Variants in PSMB10 observed in about 807,000 individuals in gnomAD.
PSMB10 encodes the protein proteasome subunit beta type-10.
A neutral mutation model predicts 29.8 loss-of-function variants in PSMB10; 29 were observed. The ratio of observed to expected loss-of-function variants is 0.97; its 90% CI spans 0.73 to 1.33. PSMB10 has a LOEUF of 1.33. PSMB10 is among the 40% of genes most tolerant of loss of function. The pLI, the probability that PSMB10 is intolerant of heterozygous loss-of-function variation, is 0.00. For missense variants in PSMB10, 327 were observed against 369.2 expected, an observed-to-expected ratio of 0.89 and a Z score of 0.94; for synonymous variants, 157 against 164.7, an observed-to-expected ratio of 0.95 and a Z score of 0.36.
intron 1 of PSMB10, 78 bp downstream of exon 1, chr16:67,936,616 C>A: frequency 6.8e-7 from 1 of 1,464,942 alleles, no homozygotes. Context: ...ACACCCTCCC[C>A]CACCCCCAGC....
At position 67,935,979 on chromosome 16, in the gene PSMB10, G is replaced by T. The variant is rs771888401; in HGVS notation, c.367C>A (p.Arg123Ser). The stretch of plus-strand genomic sequence containing the variant: ...CCCCCGCACCTGAAGAGCGTCTGGC[G>T]CAGGATGCGAGTGACCGTGGCCACG... ...PRVATVTRIL[R>S]QTLFRYQGHV... Residue 123 changes from arginine to serine, a missense_variant, in exon 4 of 8, where the codon CGC (arginine) becomes AGC (serine). Physicochemically the swap from Arg to Ser is moderately radical, Grantham distance 110. Coordinates refer to ENST00000358514, the MANE Select transcript of PSMB10 (RefSeq NM_002801.4). The T allele has an allele frequency of 3.7e-6, 6 of 1,611,072 alleles. No individual in the cohort carries two copies. The highest frequency in any genetic ancestry group is 4.2e-6 in the Non-Finnish European group (5 of 1,178,364).
chr16:67,935,917 C>A, intron 4 of PSMB10, 46 bp downstream of exon 4: 1 of 1,586,814 alleles, frequency 6.3e-7, no homozygotes, highest in Non-Finnish European at 8.6e-7. Flanking sequence ...ATGGCCCCAA[C>A]CCCGTAACTA....
Position 67,934,777 on chromosome 16 carries a change from C to T in PSMB10, c.710+20G>A. 1 of 1,612,114 alleles carries T rather than the reference C, an allele frequency of 6.2e-7. No individual in the cohort carries two copies. Among genetic ancestry groups the T allele is most frequent in the Non-Finnish European group, 8.5e-7 (1 of 1,178,402 alleles). ...CTATAGCCCCACACATCCCTGTGGTCCCCGATCTCCAGCTCTCACCTCTTC... is the reference window on the plus strand; with the variant it reads ...CTATAGCCCCACACATCCCTGTGGTTCCCGATCTCCAGCTCTCACCTCTTC... On this transcript the variant is annotated intron_variant, in intron 7 of 7. Coordinates refer to ENST00000358514, the MANE Select transcript of PSMB10 (RefSeq NM_002801.4). The surrounding 1 kb of genome is among the most constrained non-coding windows in gnomAD (Gnocchi z 4.3).
chr16:67,935,816 G>C, intron 4 of PSMB10, 119 bp from the exon 5 acceptor site: 1 of 1,467,816 alleles, frequency 6.8e-7, no homozygotes, highest in African/African-American at 1.4e-5. Flanking sequence ...GACTGACATC[G>C]CCTTTTCCTG....
rs1179448108 is a variant in PSMB10, at chr16:67,936,249, A to G, written c.208T>C (p.Cys70Arg). The change falls in exon 3 of 8, where the codon TGC becomes CGC. Residue 70 changes from cysteine (C) to arginine (R), a missense_variant. Transcript: ENST00000358514. ...TNDSVVADKSCEKIHFIAPKI... is the reference protein window; with the variant it reads ...TNDSVVADKSREKIHFIAPKI... ...GGGGCGATGAAGTGGATCTTCTCGC[A>G]GCTCTTGTCCGCCACGACCGAATCG... 6.2e-7 allele frequency: 1 copy of G among 1,613,856 alleles called. No homozygotes were observed. Among genetic ancestry groups the G allele is most frequent in the Non-Finnish European group, 8.5e-7 (1 of 1,179,972 alleles).
chr16:67,936,835 G>T lies in PSMB10; in HGVS notation c.-86C>A. 1 of 1,164,284 alleles carries T rather than the reference G, an allele frequency of 8.6e-7. No individual in the cohort carries two copies. Among genetic ancestry groups the T allele is most frequent in the Non-Finnish European group, 1.2e-6 (1 of 811,124 alleles). The allele number at this position is 1,164,284 out of a possible 1,614,324, so 72.1% of individuals were successfully genotyped here. A position where few individuals can be genotyped will look rare whatever the true frequency, so the allele number is the denominator to read the frequency against. On this transcript the variant is annotated 5_prime_UTR_variant, in exon 1 of 8. Coordinates refer to ENST00000358514, the MANE Select transcript of PSMB10 (RefSeq NM_002801.4). The stretch of plus-strand genomic sequence containing the variant: ...CCAGTGAGCAGCTAAAAAGTCCTCT[G>T]CTAGGCTTCACGTCTGTACTTCCTG...
chr16:67,936,407 C>G lies in PSMB10; in HGVS notation c.135G>C (p.Leu45=). 1 of 1,613,330 alleles carries G rather than the reference C, an allele frequency of 6.2e-7. No homozygotes were observed. Among genetic ancestry groups the G allele is most frequent in the Non-Finnish European group, 8.5e-7 (1 of 1,179,738 alleles). The part of the protein sequence containing the change: ...ARKTGTTIAG[L]VFQDGVILGA... ...CCTCCCCGCTGCTCACTTGGAACAC[C>G]AGGCCCGCGATGGTGGTCCCGGTCT... Residue 45 remains leucine, a synonymous_variant, in exon 2 of 8, where the codon CTG becomes CTC. Coordinates refer to ENST00000358514, the MANE Select transcript of PSMB10 (RefSeq NM_002801.4).
chr16:67,935,712 G>A lies in PSMB10; in HGVS notation c.384-15C>T, dbSNP rs996370754. 14 of 1,611,992 alleles carry A rather than the reference G, an allele frequency of 8.7e-6. No homozygotes were observed. The highest frequency in any genetic ancestry group is 1.2e-5 in the Non-Finnish European group (14 of 1,179,308). ...GGCCCTGGTACCTGCTCGAGGATGGGCGGGGTCGGCCACAAGCTGGGGCCT... is the reference window on the plus strand; with the variant it reads ...GGCCCTGGTACCTGCTCGAGGATGGACGGGGTCGGCCACAAGCTGGGGCCT... On this transcript the variant is annotated splice_polypyrimidine_tract_variant and intron_variant, in intron 4 of 7. Coordinates refer to ENST00000358514, the MANE Select transcript of PSMB10 (RefSeq NM_002801.4).
intron 6 of PSMB10, 110 bp from the exon 7 acceptor site, chr16:67,935,058 C>G (rs1343860893): frequency 7.1e-7 from 1 of 1,407,582 alleles, no homozygotes; most frequent in African/African-American, 1.4e-5. Context: ...CCTCCAAACC[C>G]CCACTGTGTT....
rs201000313 is a variant in PSMB10 at position 67,936,439 on chromosome 16, C to T, written c.103G>A (p.Ala35Thr). 3.1e-6 allele frequency: 5 copies of T among 1,613,582 alleles called. No homozygotes were observed. The highest frequency in any genetic ancestry group is 4.2e-6 in the Non-Finnish European group (5 of 1,179,916). Residue 35 changes from alanine to threonine, a missense_variant, in exon 2 of 8, where the codon GCA becomes ACA. Ala to Thr is a moderately conservative substitution (Grantham distance 58, BLOSUM62 0). Coordinates refer to ENST00000358514, the MANE Select transcript of PSMB10 (RefSeq NM_002801.4). ...RVLPGLKVPH[A>T]RKTGTTIAGL... ...GCGATGGTGGTCCCGGTCTTGCGTG[C>T]GTGAGGGACCTTGAGCCCCGGGAGG...
chr16:67,936,391 T>C lies in PSMB10; in HGVS notation c.144+7A>G, dbSNP rs369961454. Reference sequence around the variant, plus strand: ...CCTCCAGCTCCCCGTCCCTCCCCGCTGCTCACTTGGAACACCAGGCCCGCG... The same window carrying C: ...CCTCCAGCTCCCCGTCCCTCCCCGCCGCTCACTTGGAACACCAGGCCCGCG... On this transcript the variant is annotated splice_region_variant and intron_variant, in intron 2 of 7. Transcript: ENST00000358514. The C allele has an allele frequency of 1.9e-6, 3 of 1,612,634 alleles. No individual in the cohort carries two copies. The highest frequency in any genetic ancestry group is 2.5e-6 in the Non-Finnish European group (3 of 1,179,292).
Position 67,936,716 on chromosome 16 carries a change from AG to A in PSMB10, c.33del (p.Phe12SerfsTer76). 6.4e-7 allele frequency: 1 copy of A among 1,556,994 alleles called. No individual in the cohort carries two copies. The highest frequency in any genetic ancestry group is 8.7e-7 in the Non-Finnish European group (1 of 1,149,870). On this transcript the variant is annotated frameshift_variant, in exon 1 of 8. Coordinates refer to ENST00000358514, the MANE Select transcript of PSMB10 (RefSeq NM_002801.4). LOFTEE classifies it high-confidence loss of function. ...CACCTTTGGCAGTTCTCGAAGGAGA[AG>A]CCCCCTCGGGGCTCCAGGGCTGGCT... is the stretch of plus-strand genomic sequence containing the variant. Reference protein sequence around the residue: MLKPALEPRGGFSFENCQRNA... With the variant: MLKPALEPRGXFSFENCQRNA...
rs754747633 is a variant in PSMB10, at chr16:67,936,495, G to C, written c.57-10C>G. 2.5e-6 allele frequency: 4 copies of C among 1,610,000 alleles called. No individual in the cohort carries two copies. Among genetic ancestry groups the C allele is most frequent in the Non-Finnish European group, 3.4e-6 (4 of 1,178,028 alleles). On this transcript the variant is annotated splice_polypyrimidine_tract_variant and intron_variant, in intron 1 of 7. Transcript: ENST00000358514. ...TTCCAATGATGCATTTCTGGAAACG[G>C]AGGAGGGCGCCCATGTTTCGGCTCT... is the stretch of plus-strand genomic sequence containing the variant.
intron 6 of PSMB10, 84 bp from the exon 7 acceptor site, chr16:67,935,032 C>T (rs1796249342): frequency 6.6e-7 from 1 of 1,526,706 alleles, no homozygotes; most frequent in Non-Finnish European, 8.8e-7. Context: ...TGTCCACTTA[C>T]CCAATCTGGT....
chr16:67,935,877 G>A (rs755197510), intron 4 of PSMB10, 86 bp downstream of exon 4: 237 of 1,545,556 alleles, frequency 1.5e-4, no homozygotes, highest in Non-Finnish European at 1.9e-4. Flanking sequence ...GCCCGTCGCG[G>A]TCCCGCCCTT....
At chr16:67,935,281 C>T (rs775647356) in intron 6 of PSMB10, 139 bp downstream of exon 6, 3 of 1,044,738 alleles carry the variant, frequency 2.9e-6, no homozygotes, top group East Asian at 2.5e-5. Flanking sequence ...ACTTCTCTGC[C>T]CTTACTCCAC....
chr16:67,934,634 CA>C lies in PSMB10; in HGVS notation c.747del (p.Val250SerfsTer2). The C allele has an allele frequency of 6.2e-7, 1 of 1,614,178 alleles. No individual in the cohort carries two copies. On this transcript the variant is annotated frameshift_variant, in exon 8 of 8. Transcript: ENST00000358514. LOFTEE classifies it high-confidence loss of function. This position sits in a 1 kb window ranked among gnomAD's most constrained non-coding sequence, Gnocchi z 4.3. ...AGTGGCTTCACTGTCTGGGTCAGGACAGCTGTGGTTCCAGGCACAAAGTGGT... is the reference window on the plus strand; with the variant it reads ...AGTGGCTTCACTGTCTGGGTCAGGACGCTGTGGTTCCAGGCACAAAGTGGT... ...GRYHFVPGTT[A>X]VLTQTVKPLT...
At position 67,936,740 on chromosome 16, in the gene PSMB10, G is replaced by A; in HGVS notation, c.10C>T (p.Pro4Ser). 6.4e-7 allele frequency: 1 copy of A among 1,557,340 alleles called. No homozygotes were observed. The highest frequency in any genetic ancestry group is 1.2e-5 in the South Asian group (1 of 84,826). The change falls in exon 1 of 8, where the codon CCA becomes TCA. Residue 4 changes from proline (P) to serine (S), a missense_variant. Physicochemically the swap from Pro to Ser is moderately conservative, Grantham distance 74. Transcript: ENST00000358514. ...AAGCCCCCTCGGGGCTCCAGGGCTG[G>A]CTTCAGCATCTTGGGGCAGGCAGAG... is the stretch of plus-strand genomic sequence containing the variant. MLK[P>S]ALEPRGGFSF...
At position 67,936,276 on chromosome 16, in the gene PSMB10, T is replaced by TA. The variant is rs1427750219; in HGVS notation, c.180dup (p.Asn61Ter). On this transcript the variant is annotated frameshift_variant, in exon 3 of 8. Transcript: ENST00000358514. LOFTEE classifies it high-confidence loss of function. ...CTCTTGTCCGCCACGACCGAATCGT[T>TA]AGTGGCTCGCGTATCGGCGCCCAGA... is the stretch of plus-strand genomic sequence containing the variant. The TA allele has an allele frequency of 3.1e-6, 5 of 1,613,782 alleles. No homozygotes were observed. Among genetic ancestry groups the TA allele is most frequent in the Non-Finnish European group, 2.5e-6 (3 of 1,179,922 alleles).
Sources: gnomAD v4.1 joint callset for allele counts on GRCh38, gnomAD v4.1.1 for gene constraint, Gnocchi (gnomAD v3.1) non-coding constraint, MANE v1.5 for transcripts, NCBI Gene and HGNC (gene_info 2026-07-23, HGNC 2026-07-21) for gene names.